CREBBP: variants seen among roughly 807,000 people sequenced by gnomAD.
The protein encoded by CREBBP is CREB-binding protein.
A neutral mutation model predicts 265.0 loss-of-function variants in CREBBP; 19 were observed. The ratio of observed to expected loss-of-function variants is 0.07; its 90% confidence interval spans 0.05 to 0.11. The LOEUF is 0.11. Ranked by LOEUF, CREBBP falls within the 10% of genes least tolerant of loss-of-function variation. CREBBP has a pLI of 1.00. For missense variants in CREBBP, 2,525 were observed against 3,219.0 expected, an observed-to-expected ratio of 0.78 and a Z score of 5.22; for synonymous variants, 1,457 against 1,223.7, an observed-to-expected ratio of 1.19 and a Z score of -3.98.
chr16:3,854,071 G>A (rs114549645), intron 1 of CREBBP, among the ~76,000 whole-genome samples: 90 of 152,294 alleles, frequency 5.9e-4, no homozygotes, highest in African/African-American at 2.0e-3. Context: ...CCATGCTGCT[G>A]GCAACACCCA....
chr16:3,726,254 G>A lies in CREBBP; in HGVS notation c.*1464C>T, dbSNP rs572342292. The A allele has an allele frequency of 1.2e-4, 28 of 232,196 alleles. No homozygotes were observed. Among genetic ancestry groups the A allele is most frequent in the South Asian group, 3.6e-4 (2 of 5,498 alleles). The allele number at this position is 232,196 out of a possible 1,614,324, so 14.4% of individuals were successfully genotyped here. A position where few individuals can be genotyped will look rare whatever the true frequency, so the allele number is the denominator to read the frequency against. ...GAGTCGTGTACGGGGGGGGGGAGCCGCCTGAACACGGGAAGAAGCGCCGCC... is the reference window on the plus strand; with the variant it reads ...GAGTCGTGTACGGGGGGGGGGAGCCACCTGAACACGGGAAGAAGCGCCGCC... On this transcript the variant is annotated 3_prime_UTR_variant, in exon 31 of 31. Coordinates refer to ENST00000262367, the MANE Select transcript of CREBBP (RefSeq NM_004380.3).
chr16:3,758,585 C>T (rs2052639561), intron 17 of CREBBP, among the ~76,000 whole-genome samples: 1 of 152,206 alleles, frequency 6.6e-6, no homozygotes, highest in South Asian at 2.1e-4. Context: ...AAAAGTGACA[C>T]AAGGCCCCAA....
chr16:3,842,221 C>T (rs185033095), intron 2 of CREBBP, among the ~76,000 whole-genome samples: 2 of 152,276 alleles, frequency 1.3e-5, no homozygotes, highest in African/African-American at 4.8e-5. Flanking sequence ...TCTAAGGTCA[C>T]AAAAACAAAT....
chr16:3,806,036 G>C (rs1478622932), intron 3 of CREBBP, among the ~76,000 whole-genome samples: 1 of 152,192 alleles, frequency 6.6e-6, no homozygotes, highest in East Asian at 1.9e-4. Flanking sequence ...GAATCGGGAG[G>C]ACTGGGTGAG....
chr16:3,778,066 T>A lies in CREBBP; in HGVS notation c.2058A>T (p.Pro686=). Reference sequence around the variant, plus strand: ...TCACAGGGGGCTGAGCCCCCGGGGCTGGTAAGGCTGGCTGGTTCCCCAAGA... The same window carrying A: ...TCACAGGGGGCTGAGCCCCCGGGGCAGGTAAGGCTGGCTGGTTCCCCAAGA... The part of the protein sequence containing the change: ...QGILGNQPAL[P]APGAQPPVIP... Residue 686 remains proline (P), a synonymous_variant, in exon 10 of 31, where the codon CCA becomes CCT. Transcript: ENST00000262367. 6.2e-7 allele frequency: 1 copy of A among 1,614,260 alleles called. No homozygotes were observed. Among genetic ancestry groups the A allele is most frequent in the Non-Finnish European group, 8.5e-7 (1 of 1,180,048 alleles).
chr16:3,876,305 A>C (rs1438290864), intron 1 of CREBBP, among the ~76,000 whole-genome samples: 1 of 147,790 alleles, frequency 6.8e-6, no homozygotes, highest in African/African-American at 2.5e-5. Flanking sequence ...CTCCCTAAGC[A>C]CTGGGATTAT....
Position 3,729,098 on chromosome 16 carries a change from TG to T in CREBBP, c.5948del (p.Pro1983GlnfsTer16). On this transcript the variant is annotated frameshift_variant, in exon 31 of 31. Transcript: ENST00000262367. LOFTEE classifies it high-confidence loss of function. ...CCGGGGTCCCCATGCCCGTGCGTCC[TG>T]GGGGCATGCTGTTGTTGATGTTCAC... Reference protein sequence around the residue: ...YRVNINNSMPPGRTGMGTPGS... With the variant: ...YRVNINNSMPXGRTGMGTPGS... 1 of 1,580,700 alleles carries T rather than the reference TG, an allele frequency of 6.3e-7. No individual in the cohort carries two copies.
chr16:3,831,596 C>T lies in CREBBP; in HGVS notation c.798+18701G>A, dbSNP rs76049639. On this transcript the variant is annotated intron_variant, in intron 2 of 30. Coordinates refer to ENST00000262367, the MANE Select transcript of CREBBP (RefSeq NM_004380.3). ...AAGAAAAGGCTGACAACAACAAAAG[C>T]TGGCTGTTTGAAAATATTAATAAAA... 2.0e-3 allele frequency among the ~76,000 whole-genome samples: 303 copies of T among 152,218 alleles called. 1 individual carries two copies. Among genetic ancestry groups the T allele is most frequent in the African/African-American group, 6.9e-3 (288 of 41,518 alleles).
At chr16:3,759,035 A>G in intron 16 of CREBBP, 63 bp from the exon 17 acceptor site, 1 of 1,276,042 alleles carries the variant, frequency 7.8e-7, no homozygotes, top group Non-Finnish European at 1.1e-6. Context: ...CCTACCTCAC[A>G]TTTAAAACGG....
At chr16:3,747,039 A>G (rs2052358525) in intron 21 of CREBBP, among the ~76,000 whole-genome samples, 3 of 151,624 alleles carry the variant, frequency 2.0e-5, no homozygotes, top group Admixed American at 1.3e-4. Flanking sequence ...CCCACTCCCA[A>G]TTATTATGGG....
At chr16:3,823,736 G>A (rs2054184301) in intron 2 of CREBBP, among the ~76,000 whole-genome samples, 1 of 152,106 alleles carries the variant, frequency 6.6e-6, no homozygotes, top group South Asian at 2.1e-4. Flanking sequence ...GAGCTTCAGG[G>A]AGCAGCAAGC....
chr16:3,795,361 A>G (rs1427929677), intron 3 of CREBBP, among the ~76,000 whole-genome samples: 1 of 152,240 alleles, frequency 6.6e-6, no homozygotes, highest in African/African-American at 2.4e-5. Flanking sequence ...GTCCACTACT[A>G]AAGCGTTGAT....
In CREBBP at chr16:3,778,347, A is replaced by G. The variant is rs130005; in HGVS notation, c.1942-165T>C. 0.082 allele frequency among the ~76,000 whole-genome samples: 12,560 copies of G among 152,268 alleles called. 754 individuals are homozygous for G. The highest frequency in any genetic ancestry group is 0.3 in the East Asian group (1,554 of 5,184). ...AGCCCACATTCTTGCTGAATTCCCAATGACTTTATAGGACATATCAAATAG... is the reference window on the plus strand; with the variant it reads ...AGCCCACATTCTTGCTGAATTCCCAGTGACTTTATAGGACATATCAAATAG... On this transcript the variant is annotated intron_variant, in intron 9 of 30. Coordinates refer to ENST00000262367, the MANE Select transcript of CREBBP (RefSeq NM_004380.3).
chr16:3,744,055 A>G (rs952464214), intron 23 of CREBBP, among the ~76,000 whole-genome samples: 4 of 152,156 alleles, frequency 2.6e-5, no homozygotes, highest in African/African-American at 9.7e-5. Flanking sequence ...CAGCCTGGCG[A>G]CAGAGCGAGA....
chr16:3,863,184 T>C (rs1218812663), intron 1 of CREBBP, among the ~76,000 whole-genome samples: 10 of 152,232 alleles, frequency 6.6e-5, no homozygotes, highest in East Asian at 1.9e-4. Flanking sequence ...TTTTGCATAA[T>C]TGATTATAAA....
intron 28 of CREBBP, among the ~76,000 whole-genome samples, chr16:3,734,011 T>G (rs1894281743): frequency 6.6e-6 from 1 of 152,164 alleles, no homozygotes; most frequent in Admixed American, 6.5e-5. Flanking sequence ...GACAAGTAAT[T>G]TTAAAAAGTT....
intron 3 of CREBBP, among the ~76,000 whole-genome samples, chr16:3,805,844 T>G (rs2053818305): frequency 1.3e-5 from 2 of 152,138 alleles, no homozygotes; most frequent in South Asian, 4.1e-4. Context: ...GACCAGCTCA[T>G]GTAAAACCAC....
At chr16:3,794,835 T>G (rs1370301394) in intron 3 of CREBBP, among the ~76,000 whole-genome samples, 1 of 152,228 alleles carries the variant, frequency 6.6e-6, no homozygotes, top group Non-Finnish European at 1.5e-5. Context: ...AACAGTATCA[T>G]CCACAGTTCC....
chr16:3,745,067 T>A, intron 22 of CREBBP, 106 bp from the exon 23 acceptor site: 2 of 985,432 alleles, frequency 2.0e-6, no homozygotes, highest in South Asian at 1.3e-5. Context: ...ATCACATTAT[T>A]ATAAAATTAA....
Sources: gnomAD v4.1 joint callset for allele counts (sites outside exome capture counted in the v4.1 genomes callset) on GRCh38, gnomAD v4.1.1 for gene constraint, MANE v1.5 for transcripts, NCBI Gene and HGNC (gene_info 2026-07-23, HGNC 2026-07-21) for gene names.